Variants in EFCAB7 observed in about 807,000 individuals in gnomAD.
The protein encoded by EFCAB7 is EF-hand calcium binding domain 7, also known as EF-hand calcium-binding domain-containing protein 7.
A neutral mutation model predicts 77.1 loss-of-function variants in EFCAB7; 66 were observed. The ratio of observed to expected loss-of-function variants is 0.86; its 90% CI spans 0.70 to 1.05. EFCAB7 has a LOEUF of 1.05. Ranked by LOEUF, EFCAB7 falls within the 50% of genes least tolerant of loss-of-function variation. The pLI is 0.00. For missense variants in EFCAB7, 638 were observed against 730.5 expected (o/e 0.87, Z 1.46); for synonymous variants, 225 against 243.3 (o/e 0.92, Z 0.70).
At chr1:63,534,885 A>G (rs1031403019) in intron 6 of EFCAB7, among the ~76,000 whole-genome samples, 3 of 152,066 alleles carry the variant, frequency 2.0e-5, no homozygotes, top group Admixed American at 6.6e-5. Context: ...AGTCCCTTAT[A>G]TCTTTAAATT....
intron 12 of EFCAB7, chr1:63,569,577 A>G (rs1647210413): frequency 6.6e-6 from 1 of 151,744 alleles, no homozygotes; most frequent in South Asian, 2.1e-4. Flanking sequence ...CAGCCTTTAG[A>G]AGCAGGGGAA....
rs2100849972 is a variant in EFCAB7 at position 63,523,531 on chromosome 1, C to T, written c.-105C>T. ...TCCGGTGGCGGTGAGGTGCAGTTGC[C>T]ATGGTGATTAGAGAAAGGCCGAGAT... On this transcript the variant is annotated 5_prime_UTR_variant, in exon 1 of 14. Transcript: ENST00000371088. 1 of 270,474 alleles carries T rather than the reference C, an allele frequency of 3.7e-6. No homozygotes were observed. Among genetic ancestry groups the T allele is most frequent in the Admixed American group, 4.9e-5 (1 of 20,284 alleles). 16.8% of individuals were successfully genotyped at this position (270,474 alleles called of 1,614,324 possible). A position where few individuals can be genotyped will look rare whatever the true frequency, so the allele number is the denominator to read the frequency against.
intron 3 of EFCAB7, among the ~76,000 whole-genome samples, 198 bp downstream of exon 3, chr1:63,532,229 G>A (rs1297781268): frequency 2.0e-5 from 3 of 151,948 alleles, no homozygotes; most frequent in Non-Finnish European, 2.9e-5. Context: ...GTATAAAATC[G>A]AGCTTATGTT....
chr1:63,561,622 T>C (rs1049129515), intron 10 of EFCAB7, 87 bp from the exon 11 acceptor site: 1 of 810,472 alleles, frequency 1.2e-6, no homozygotes, highest in South Asian at 3.2e-5. Context: ...AAAATAAATA[T>C]CTATGAATAA....
At chr1:63,560,590 C>G (rs1446640192) in intron 10 of EFCAB7, among the ~76,000 whole-genome samples, 1 of 146,060 alleles carries the variant, frequency 6.8e-6, no homozygotes, top group African/African-American at 2.5e-5. Context: ...GATCTCAGCT[C>G]ACTGCAACCT....
intron 11 of EFCAB7, among the ~76,000 whole-genome samples, chr1:63,567,431 C>T (rs560090373): frequency 6.6e-6 from 1 of 151,096 alleles, no homozygotes; most frequent in East Asian, 2.0e-4. Flanking sequence ...CCAGCCTGGG[C>T]GACAAGAGCA....
chr1:63,543,444 A>G (rs563082411), intron 6 of EFCAB7, among the ~76,000 whole-genome samples: 3 of 152,348 alleles, frequency 2.0e-5, no homozygotes, highest in East Asian at 1.9e-4. Context: ...AAAGCAGAAC[A>G]TAAAGCAGTG....
At chr1:63,563,678 C>G (rs895360304) in intron 11 of EFCAB7, among the ~76,000 whole-genome samples, 3 of 152,202 alleles carry the variant, frequency 2.0e-5, no homozygotes, top group African/African-American at 7.2e-5. Context: ...TGAAGTGGAG[C>G]TGTTCCTCAT....
downstream of EFCAB7, among the ~76,000 whole-genome samples, chr1:63,576,814 T>A (rs376820131): frequency 5.3e-5 from 8 of 150,686 alleles, no homozygotes; most frequent in African/African-American, 1.7e-4. Flanking sequence ...CCAGCCTGGG[T>A]GACAGAGAGA....
intron 6 of EFCAB7, among the ~76,000 whole-genome samples, chr1:63,542,741 C>T (rs1352825065): frequency 6.6e-6 from 1 of 151,796 alleles, no homozygotes; most frequent in Non-Finnish European, 1.5e-5. Context: ...GCTTATTGGC[C>T]TTCTATATAT....
Position 63,572,656 on chromosome 1 carries a change from G to A in EFCAB7, c.*140G>A. On this transcript the variant is annotated 3_prime_UTR_variant, in exon 14 of 14. Coordinates refer to ENST00000371088, the MANE Select transcript of EFCAB7 (RefSeq NM_032437.4). ...TATGCATTTTCATTTTATGTCCATG[G>A]TATGTACTTTATTATTAAAATATAA... 1 of 1,065,948 alleles carries A rather than the reference G, an allele frequency of 9.4e-7. No individual in the cohort carries two copies. 66.0% of individuals were successfully genotyped at this position (1,065,948 alleles called of 1,614,324 possible).
chr1:63,537,759 A>G (rs1646780317), intron 6 of EFCAB7, among the ~76,000 whole-genome samples: 1 of 152,190 alleles, frequency 6.6e-6, no homozygotes, highest in Non-Finnish European at 1.5e-5. Flanking sequence ...CCCCAAAGCA[A>G]ATAGCTTCCT....
At chr1:63,556,245 A>G (rs1371845803) in intron 9 of EFCAB7, among the ~76,000 whole-genome samples, 2 of 152,184 alleles carry the variant, frequency 1.3e-5, no homozygotes, top group Non-Finnish European at 1.5e-5. Flanking sequence ...AAGAGAATAG[A>G]TATTAAATGT....
intron 11 of EFCAB7, 37 bp from the exon 12 acceptor site, chr1:63,568,273 A>C (rs1647191934): frequency 1.3e-6 from 2 of 1,493,346 alleles, no homozygotes; most frequent in South Asian, 1.2e-5. Context: ...TTAAAATTCT[A>C]TCAAAAGGCT....
chr1:63,551,770 T>C lies in EFCAB7; in HGVS notation c.992T>C (p.Leu331Pro). 6.3e-7 allele frequency: 1 copy of C among 1,590,862 alleles called. No individual in the cohort carries two copies. Among genetic ancestry groups the C allele is most frequent in the South Asian group, 1.2e-5 (1 of 85,672 alleles). Residue 331 changes from leucine to proline, a missense_variant, in exon 8 of 14, where the codon CTC becomes CCC. By Grantham distance (98) the Leu-to-Pro change is moderately conservative (BLOSUM62 -3). Coordinates refer to ENST00000371088, the MANE Select transcript of EFCAB7 (RefSeq NM_032437.4). ...TCCGTTGATACTGCCTTGTATATTC[T>C]CAAGGAAAATGAGAGTCAAGCAAAT... The part of the protein sequence containing the change: ...WLSVDTALYI[L>P]KENESQANLQ...
Position 63,534,210 on chromosome 1 carries a change from A to C in EFCAB7, c.798A>C (p.Leu266Phe), listed in dbSNP as rs753835859. The C allele has an allele frequency of 6.2e-7, 1 of 1,612,212 alleles. No homozygotes were observed. Residue 266 changes from leucine (L) to phenylalanine (F), a missense_variant, in exon 6 of 14, where the codon TTA becomes TTC. Coordinates refer to ENST00000371088, the MANE Select transcript of EFCAB7 (RefSeq NM_032437.4). The part of the protein sequence containing the change: ...NRNSKLMEPN[L>F]IKDWQHMQSK... ...ACTCAAAGTTAATGGAGCCAAATTT[A>C]ATAAAGGTATAGTATTTTAAGTTAA... is the stretch of plus-strand genomic sequence containing the variant.
In EFCAB7 at chr1:63,551,707, T is replaced by C. The variant is rs1646966713; in HGVS notation, c.947-18T>C. The C allele has an allele frequency of 1.5e-6, 1 of 688,918 alleles. No individual in the cohort carries two copies. The allele number at this position is 688,918 out of a possible 1,614,324, so 42.7% of individuals were successfully genotyped here. A position where few individuals can be genotyped will look rare whatever the true frequency, so the allele number is the denominator to read the frequency against. ...ATTGCTTATTTTAAGGTGTTTGGGC[T>C]TTTTTTTTTGTTTGTAGGAAAACCA... On this transcript the variant is annotated intron_variant, in intron 7 of 13. Coordinates refer to ENST00000371088, the MANE Select transcript of EFCAB7 (RefSeq NM_032437.4).
the EFCAB7 span, among the ~76,000 whole-genome samples, chr1:63,578,292 A>C: frequency 1.3e-5 from 2 of 152,232 alleles, no homozygotes; most frequent in Non-Finnish European, 2.9e-5. Flanking sequence ...GATCAATCAT[A>C]TATAAATTGA....
chr1:63,568,039 G>T (rs1293606865), intron 11 of EFCAB7, among the ~76,000 whole-genome samples: 2 of 151,888 alleles, frequency 1.3e-5, no homozygotes, highest in African/African-American at 4.8e-5. Flanking sequence ...TGAAGAGATG[G>T]TATTATGGTT....
Sources: allele counts gnomAD v4.1 joint callset (sites outside exome capture counted in the v4.1 genomes callset), GRCh38; gene constraint gnomAD v4.1.1; transcripts MANE v1.5; gene names NCBI Gene and HGNC (gene_info 2026-07-23, HGNC 2026-07-21).